ACSBG2: variants seen among roughly 807,000 people sequenced by gnomAD.
The protein encoded by ACSBG2 is acyl-CoA synthetase bubblegum family member 2, also known as long-chain-fatty-acid--CoA ligase ACSBG2.
In ACSBG2, 62 loss-of-function variants were observed where a neutral mutation model predicts 74.7. That is an observed-to-expected ratio of 0.83 (90% CI 0.68 to 1.03). ACSBG2 has a LOEUF of 1.03. Among genes scored for constraint, ACSBG2 ranks in the 50% least tolerant of loss-of-function variants. ACSBG2 has a pLI of 0.00. For missense variants in ACSBG2, 730 were observed against 817.6 expected, an observed-to-expected ratio of 0.89 and a Z score of 1.31; for synonymous variants, 309 against 294.1, an observed-to-expected ratio of 1.05 and a Z score of -0.52.
chr19:6,188,779 TAG>T lies in ACSBG2; in HGVS notation c.1927+937_1927+938del, dbSNP rs527362262. Among the ~76,000 whole-genome samples, 290 of 152,048 alleles carry T rather than the reference TAG, an allele frequency of 1.9e-3. 1 individual carries two copies. Among genetic ancestry groups the T allele is most frequent in the African/African-American group, 6.6e-3 (274 of 41,486 alleles). ...CTTTGGGGGTGAAGGGCTGGAAAAT[TAG>T]AGTCATTGATTGGTTGAGGTAAAGG... On this transcript the variant is annotated intron_variant, in intron 13 of 14. Transcript: ENST00000588485.
intron 5 of ACSBG2, among the ~76,000 whole-genome samples, chr19:6,156,927 G>A (rs927526627): frequency 3.3e-5 from 5 of 151,514 alleles, no homozygotes; most frequent in African/African-American, 9.7e-5. Context: ...GGGACTACGA[G>A]CGTGTACCAC....
chr19:6,151,734 G>C lies in ACSBG2; in HGVS notation c.325G>C (p.Gly109Arg). The C allele has an allele frequency of 6.2e-7, 1 of 1,602,702 alleles. No individual in the cohort carries two copies. Among genetic ancestry groups the C allele is most frequent in the Admixed American group, 1.7e-5 (1 of 57,848 alleles). ...GGGTTTGGAGCGTTTCCACGGAGTTGGTATCCTGGGGTTTAACTCTGCAGA... is the reference window on the plus strand; with the variant it reads ...GGGTTTGGAGCGTTTCCACGGAGTTCGTATCCTGGGGTTTAACTCTGCAGA... ...KLGLERFHGV[G>R]ILGFNSAEWF... Residue 109 changes from glycine to arginine, a missense_variant, in exon 4 of 15, where the codon GGT becomes CGT. Gly to Arg is a moderately radical substitution (Grantham distance 125). Transcript: ENST00000588485.
intron 7 of ACSBG2, among the ~76,000 whole-genome samples, chr19:6,169,470 A>G (rs1044161032): frequency 6.6e-6 from 1 of 152,200 alleles, no homozygotes; most frequent in African/African-American, 2.4e-5. Context: ...TACCAGTACC[A>G]TGCTGTTTTA....
intron 11 of ACSBG2, among the ~76,000 whole-genome samples, chr19:6,186,086 T>C (rs1346924392): frequency 6.6e-6 from 1 of 151,952 alleles, no homozygotes; most frequent in Non-Finnish European, 1.5e-5. Context: ...TCAAACTCAT[T>C]CAAGCTGGTT....
intron 2 of ACSBG2, among the ~76,000 whole-genome samples, chr19:6,146,097 ACT>A (rs1203719777): frequency 1.3e-5 from 2 of 151,988 alleles, no homozygotes; most frequent in Non-Finnish European, 1.5e-5. Flanking sequence ...TAAATATGTG[ACT>A]CTTGTTAATG....
intron 2 of ACSBG2, among the ~76,000 whole-genome samples, chr19:6,143,509 CCT>C (rs1314195899): frequency 1.3e-5 from 2 of 152,034 alleles, no homozygotes; most frequent in Non-Finnish European, 2.9e-5. Context: ...CTACAAAAAC[CCT>C]GTTTCCAAAT....
intron 2 of ACSBG2, among the ~76,000 whole-genome samples, chr19:6,144,587 T>C (rs2088962416): frequency 6.6e-6 from 1 of 152,240 alleles, no homozygotes; most frequent in Admixed American, 6.5e-5. Flanking sequence ...TGTGAGACAA[T>C]ACATTTCTGT....
At position 6,141,377 on chromosome 19, in the gene ACSBG2, C is replaced by A. The variant is rs1242907980; in HGVS notation, c.-31-136C>A. The A allele has an allele frequency of 1.0e-5, 6 of 585,620 alleles. No homozygotes were observed. The Admixed American group carries it at 1.5e-4, about 15-fold the overall frequency. The allele number at this position is 585,620 out of a possible 1,614,324, so 36.3% of individuals were successfully genotyped here. ...TCTGGCATGCCGGCCACTCTCCTCT[C>A]CTCCCAGGCCCAGGACAGGCATGAC... is the stretch of plus-strand genomic sequence containing the variant. On this transcript the variant is annotated intron_variant, in intron 1 of 14. Coordinates refer to ENST00000588485, the MANE Select transcript of ACSBG2 (RefSeq NM_030924.5).
chr19:6,147,936 C>T (rs2089100728), intron 3 of ACSBG2, among the ~76,000 whole-genome samples: 1 of 152,124 alleles, frequency 6.6e-6, no homozygotes, highest in South Asian at 2.1e-4. Flanking sequence ...AAATTTTTTA[C>T]ACACATAATA....
chr19:6,151,799 A>G lies in ACSBG2; in HGVS notation c.386+4A>G. The G allele has an allele frequency of 3.8e-6, 6 of 1,585,940 alleles. No individual in the cohort carries two copies. The highest frequency in any genetic ancestry group is 5.1e-6 in the Non-Finnish European group (6 of 1,165,380). On this transcript the variant is annotated splice_donor_region_variant and intron_variant, in intron 4 of 14. Transcript: ENST00000588485. ...CTGTTGGTGCCATCCTAGCCGGGTA[A>G]GGTCATTGGCTTGGTTCATGGTGAG...
At chr19:6,157,246 C>T (rs1052344422) in intron 5 of ACSBG2, among the ~76,000 whole-genome samples, 9 of 152,160 alleles carry the variant, frequency 5.9e-5, no homozygotes, top group Non-Finnish European at 1.2e-4. Flanking sequence ...CCGCCCCGAG[C>T]CCGGGCTAAC....
intron 1 of ACSBG2, among the ~76,000 whole-genome samples, chr19:6,139,673 G>A (rs187054260): frequency 2.0e-5 from 3 of 152,268 alleles, no homozygotes; most frequent in African/African-American, 7.2e-5. Context: ...AAAGCCACTA[G>A]AAAAATCAGT....
chr19:6,156,611 C>A (rs1411875245), intron 5 of ACSBG2, 60 bp downstream of exon 5: 2 of 1,447,926 alleles, frequency 1.4e-6, no homozygotes, highest in African/African-American at 1.5e-5. Flanking sequence ...GGGCTCTGGG[C>A]AGGTGTTCTT....
At chr19:6,144,655 TC>T (rs1303053124) in intron 2 of ACSBG2, among the ~76,000 whole-genome samples, 1 of 152,152 alleles carries the variant, frequency 6.6e-6, no homozygotes, top group African/African-American at 2.4e-5. Flanking sequence ...AATTAATATA[TC>T]AGTCATACCA....
chr19:6,150,682 G>A (rs1284537347), intron 3 of ACSBG2, among the ~76,000 whole-genome samples: 1 of 152,212 alleles, frequency 6.6e-6, no homozygotes, highest in African/African-American at 2.4e-5. Context: ...GGAGGTGCCA[G>A]GGGCTGGGGA....
At position 6,151,701 on chromosome 19, in the gene ACSBG2, T is replaced by A. The variant is rs1280825801; in HGVS notation, c.298-6T>A. The A allele has an allele frequency of 6.3e-7, 1 of 1,589,724 alleles. No homozygotes were observed. The highest frequency in any genetic ancestry group is 1.3e-5 in the African/African-American group (1 of 74,750). On this transcript the variant is annotated splice_polypyrimidine_tract_variant and splice_region_variant and intron_variant, in intron 3 of 14. Transcript: ENST00000588485. ...TTTGTTTTTCTGTTTGCTTTTTCCT[T>A]CCCAGCTGGGTTTGGAGCGTTTCCA...
intron 1 of ACSBG2, among the ~76,000 whole-genome samples, chr19:6,137,800 G>A (rs1270175716): frequency 2.0e-5 from 3 of 151,810 alleles, no homozygotes; most frequent in Non-Finnish European, 4.4e-5. Context: ...GGTGCCTGCC[G>A]CCGTGCCTGG....
chr19:6,190,760 G>T, intron 14 of ACSBG2, 68 bp downstream of exon 14: 4 of 907,172 alleles, frequency 4.4e-6, no homozygotes, highest in Admixed American at 1.9e-5. Flanking sequence ...CCACTGTGTG[G>T]CAGGCAGATC....
intron 2 of ACSBG2, among the ~76,000 whole-genome samples, chr19:6,146,063 T>TA (rs2089020072): frequency 6.6e-6 from 1 of 152,188 alleles, no homozygotes; most frequent in Non-Finnish European, 1.5e-5. Flanking sequence ...ATTTTACCTT[T>TA]AAAAAAATCT....
Sources: allele counts gnomAD v4.1 joint callset (sites outside exome capture counted in the v4.1 genomes callset), GRCh38; gene constraint gnomAD v4.1.1; transcripts MANE v1.5; gene names NCBI Gene and HGNC (gene_info 2026-07-23, HGNC 2026-07-21).